The following TRMT11 variants were observed in gnomAD, a reference collection of about 807,000 sequenced individuals.
TRMT11 encodes the protein tRNA methyltransferase 11.
A neutral mutation model predicts 62.8 loss-of-function variants in TRMT11; 53 were observed. That is an observed-to-expected ratio of 0.84 (90% CI 0.68 to 1.06). The LOEUF (loss-of-function observed/expected upper bound fraction) is 1.06. Ranked by LOEUF, TRMT11 falls within the 50% of genes least tolerant of loss-of-function variation. The probability of loss-of-function intolerance (pLI) is 0.00; values close to 1 mark genes in which losing one functional copy is unlikely to be tolerated. For synonymous variants in TRMT11, 188 were observed against 190.3 expected (o/e 0.99, Z 0.10); for missense variants, 556 against 553.4 (o/e 1.00, Z -0.05).
At chr6:126,229,372 C>T in the TRMT11 span, among the ~76,000 whole-genome samples, 1 of 152,156 alleles carries the variant, frequency 6.6e-6, no homozygotes, top group Non-Finnish European at 1.5e-5. Context: ...AAAGCAGTGA[C>T]TCATACTCAT....
chr6:126,029,488 C>T (rs1439277272), intron 12 of TRMT11, among the ~76,000 whole-genome samples: 1 of 152,030 alleles, frequency 6.6e-6, no homozygotes, highest in Non-Finnish European at 1.5e-5. Flanking sequence ...TGAATTCATC[C>T]CTAAGCAATA....
At chr6:126,129,311 A>T (rs766206739) in intron 21 of TRMT11, among the ~76,000 whole-genome samples, 1 of 152,132 alleles carries the variant, frequency 6.6e-6, no homozygotes, top group African/African-American at 2.4e-5. Context: ...TAGTGTTGTG[A>T]TTAGGATTAA....
chr6:126,050,877 T>A (rs563462846), intron 16 of TRMT11, among the ~76,000 whole-genome samples: 2 of 152,334 alleles, frequency 1.3e-5, no homozygotes, highest in South Asian at 4.1e-4. Context: ...CTCATTGGTA[T>A]GCTAGGCACT....
At chr6:126,265,214 G>T in the TRMT11 span, among the ~76,000 whole-genome samples, 1 of 152,138 alleles carries the variant, frequency 6.6e-6, no homozygotes, top group Non-Finnish European at 1.5e-5. Flanking sequence ...ACTCTAAAGA[G>T]AATGATAAAT....
At chr6:126,212,201 C>T in the TRMT11 span, among the ~76,000 whole-genome samples, 4,460 of 152,154 alleles carry the variant, frequency 0.029, 238 homozygotes, top group African/African-American at 0.1. Context: ...TTCCAAATCT[C>T]GGCTATTGTG....
chr6:126,021,023 A>G lies in TRMT11; in HGVS notation c.1140-137A>G, dbSNP rs1795729179. 8.4e-6 allele frequency: 8 copies of G among 953,440 alleles called. No individual in the cohort carries two copies. In the South Asian group the frequency reaches 1.6e-4, roughly 19 times the overall value. 59.1% of individuals were successfully genotyped at this position (953,440 alleles called of 1,614,324 possible). A position where few individuals can be genotyped will look rare whatever the true frequency, so the allele number is the denominator to read the frequency against. The stretch of plus-strand genomic sequence containing the variant: ...TACTTTGCTTATAGATAGTTTATGG[A>G]TCATGTGGACAGTTAGCATATGTGG... On this transcript the variant is annotated intron_variant, in intron 11 of 12. Coordinates refer to ENST00000334379, the MANE Select transcript of TRMT11 (RefSeq NM_001031712.3).
chr6:125,986,626 A>G lies in TRMT11; in HGVS notation c.72+4A>G. 6.3e-7 allele frequency: 1 copy of G among 1,579,130 alleles called. No homozygotes were observed. Among genetic ancestry groups the G allele is most frequent in the Non-Finnish European group, 8.6e-7 (1 of 1,164,034 alleles). The stretch of plus-strand genomic sequence containing the variant: ...GCATCTGGAGTTCCGCCTGCCGGTG[A>G]GTCCGTAGCGCCCTCCGGAACTTCC... On this transcript the variant is annotated splice_donor_region_variant and intron_variant, in intron 1 of 12. Coordinates refer to ENST00000334379, the MANE Select transcript of TRMT11 (RefSeq NM_001031712.3).
the TRMT11 span, among the ~76,000 whole-genome samples, chr6:126,212,145 C>T: frequency 6.6e-6 from 1 of 152,070 alleles, no homozygotes; most frequent in Non-Finnish European, 1.5e-5. Context: ...ATGATATGTA[C>T]CACATTTTCT....
At chr6:126,078,220 A>G (rs148521098) in intron 17 of TRMT11, among the ~76,000 whole-genome samples, 241 of 152,288 alleles carry the variant, frequency 1.6e-3, no homozygotes, top group African/African-American at 5.3e-3. Context: ...GAGAATGGGA[A>G]AATTGCCTGT....
At chr6:126,113,607 A>G (rs1048564914) in intron 18 of TRMT11, among the ~76,000 whole-genome samples, 1 of 152,080 alleles carries the variant, frequency 6.6e-6, no homozygotes, top group Admixed American at 6.6e-5. Context: ...GTGTCAGCCA[A>G]TCTACTAGGC....
chr6:126,261,574 T>C, the TRMT11 span, among the ~76,000 whole-genome samples: 2 of 152,212 alleles, frequency 1.3e-5, no homozygotes, highest in African/African-American at 4.8e-5. Context: ...AATTTGTGAA[T>C]TAATTGTCCT....
At chr6:126,039,787 C>T (rs1234609873), downstream of TRMT11, among the ~76,000 whole-genome samples, 1 of 152,030 alleles carries the variant, frequency 6.6e-6, no homozygotes, top group African/African-American at 2.4e-5. Flanking sequence ...TCCTCTCTCT[C>T]TAACCAGAGC....
intron 21 of TRMT11, among the ~76,000 whole-genome samples, chr6:126,144,367 A>G (rs555130057): frequency 6.6e-6 from 1 of 152,280 alleles, no homozygotes; most frequent in South Asian, 2.1e-4. Flanking sequence ...ATTTCTCACT[A>G]AAACCGTAAC....
chr6:126,011,386 G>A lies in TRMT11; in HGVS notation c.894G>A (p.Lys298=). ...ATGCATCTAAACCTTCCTGGAGGAA[G>A]GGCACATATTTTGATGCAATCATTA... The part of the protein sequence containing the change: ...VSDASKPSWR[K]GTYFDAIITD... The change falls in exon 9 of 13, where the codon AAG becomes AAA. Residue 298 remains lysine, a synonymous_variant. Transcript: ENST00000334379. The A allele has an allele frequency of 2.5e-6, 4 of 1,612,978 alleles. No homozygotes were observed. Among genetic ancestry groups the A allele is most frequent in the Non-Finnish European group, 3.4e-6 (4 of 1,179,424 alleles).
the TRMT11 span, among the ~76,000 whole-genome samples, chr6:126,229,997 G>T: frequency 1.1e-4 from 17 of 152,094 alleles, no homozygotes; most frequent in Non-Finnish European, 7.4e-5. Context: ...TGAGACATGA[G>T]GGAACATCAC....
the TRMT11 span, among the ~76,000 whole-genome samples, chr6:126,237,585 G>T: frequency 1.3e-5 from 2 of 152,080 alleles, no homozygotes; most frequent in African/African-American, 2.4e-5. Context: ...GGAGGCTGAG[G>T]GGGGAGGATC....
the TRMT11 span, among the ~76,000 whole-genome samples, chr6:126,222,326 GT>G: frequency 7.3e-5 from 11 of 150,856 alleles, no homozygotes; most frequent in Non-Finnish European, 1.3e-4. Context: ...TTTTAGAATA[GT>G]TTTTTTTTCT....
chr6:126,211,395 A>G, the TRMT11 span, among the ~76,000 whole-genome samples: 2 of 152,182 alleles, frequency 1.3e-5, no homozygotes, highest in Admixed American at 1.3e-4. Flanking sequence ...TTTTAAAGCC[A>G]GCTAATCCAT....
chr6:126,148,770 T>A (rs1018211294), intron 21 of TRMT11, among the ~76,000 whole-genome samples: 4 of 152,208 alleles, frequency 2.6e-5, no homozygotes, highest in Non-Finnish European at 5.9e-5. Context: ...GAATATTTTT[T>A]AAAAATGTAG....
Sources: gnomAD v4.1 joint callset for allele counts (sites outside exome capture counted in the v4.1 genomes callset) on GRCh38, gnomAD v4.1.1 for gene constraint, MANE v1.5 for transcripts, NCBI Gene and HGNC (gene_info 2026-07-23, HGNC 2026-07-21) for gene names.